Variants in DDX31 observed in about 807,000 individuals in gnomAD.
DDX31 encodes ATP-dependent DNA helicase DDX31.
DDX31 carries 70 observed loss-of-function variants against 91.3 expected under a neutral mutation model. That is an observed-to-expected ratio of 0.77 (90% CI 0.63 to 0.94). The LOEUF (loss-of-function observed/expected upper bound fraction) is 0.94, where lower values mean the gene tolerates loss of function less well. Ranked by LOEUF, DDX31 falls within the 40% of genes least tolerant of loss-of-function variation. The probability of loss-of-function intolerance (pLI) is 0.00; values close to 1 mark genes in which losing one functional copy is unlikely to be tolerated. For synonymous variants in DDX31, 362 were observed against 350.6 expected, an observed-to-expected ratio of 1.03 and a Z score of -0.36; for missense variants, 902 against 925.0, an observed-to-expected ratio of 0.98 and a Z score of 0.32.
In DDX31 at chr9:132,648,475, G is replaced by T. The variant is rs1331379675; in HGVS notation, c.817C>A (p.His273Asn). Residue 273 changes from histidine to asparagine, a missense_variant, in exon 10 of 20, where the codon CAT becomes AAT. His to Asn is a moderately conservative substitution (Grantham distance 68, BLOSUM62 1). Coordinates refer to ENST00000372159, the MANE Select transcript of DDX31 (RefSeq NM_022779.9). Reference sequence around the variant, plus strand: ...ACCAACCACCGCAGCCGACTAAAATGAATGTTCTTTGTGGATTTTATATGA... The same window carrying T: ...ACCAACCACCGCAGCCGACTAAAATTAATGTTCTTTGTGGATTTTATATGA... ...VDHIKSTKNIHFSRLRWLVFD... is the reference protein window; with the variant it reads ...VDHIKSTKNINFSRLRWLVFD... 3 of 1,613,978 alleles carry T rather than the reference G, an allele frequency of 1.9e-6. No homozygotes were observed. The highest frequency in any genetic ancestry group is 1.3e-5 in the African/African-American group (1 of 74,918).
chr9:132,669,085 T>G (rs1564348051), intron 1 of DDX31, among the ~76,000 whole-genome samples: 1 of 152,128 alleles, frequency 6.6e-6, no homozygotes, highest in African/African-American at 2.4e-5. Flanking sequence ...GAGACCAAGG[T>G]TCTTTTCAAG....
intron 19 of DDX31, among the ~76,000 whole-genome samples, chr9:132,599,139 C>T (rs1830595477): frequency 6.6e-6 from 1 of 152,170 alleles, no homozygotes; most frequent in South Asian, 2.1e-4. Context: ...CAAAGCCATC[C>T]AAACCGACTA....
chr9:132,644,734 C>T (rs941832934), intron 13 of DDX31, among the ~76,000 whole-genome samples: 2 of 152,114 alleles, frequency 1.3e-5, no homozygotes, highest in African/African-American at 4.8e-5. Context: ...GATTAGTAAA[C>T]AAAGCTTGAA....
intron 19 of DDX31, among the ~76,000 whole-genome samples, chr9:132,608,277 G>C (rs1261319124): frequency 1.3e-5 from 2 of 152,170 alleles, no homozygotes; most frequent in Non-Finnish European, 2.9e-5. Context: ...TGTCAGAAGA[G>C]TTTTTGTGAC....
At chr9:132,657,456 ATATT>A (rs1348625129) in intron 6 of DDX31, among the ~76,000 whole-genome samples, 1 of 152,212 alleles carries the variant, frequency 6.6e-6, no homozygotes, top group Non-Finnish European at 1.5e-5. Context: ...TATCATTTGT[ATATT>A]TATTTATTAG....
At chr9:132,620,577 T>C (rs1159674749) in intron 17 of DDX31, among the ~76,000 whole-genome samples, 2 of 151,444 alleles carry the variant, frequency 1.3e-5, no homozygotes, top group Admixed American at 1.3e-4. Context: ...AAAAAATATA[T>C]ACAATACTTA....
chr9:132,599,973 A>T (rs1307792010), intron 19 of DDX31, among the ~76,000 whole-genome samples: 1 of 152,244 alleles, frequency 6.6e-6, no homozygotes, highest in African/African-American at 2.4e-5. Flanking sequence ...TGGAGGACAA[A>T]AAGGCAGCAA....
chr9:132,655,384 C>A (rs1014923874), intron 6 of DDX31, among the ~76,000 whole-genome samples: 3 of 152,156 alleles, frequency 2.0e-5, no homozygotes, highest in African/African-American at 7.2e-5. Flanking sequence ...CACAGAACAT[C>A]CTGCATAACA....
chr9:132,642,181 A>AG (rs1833547040), intron 13 of DDX31, 118 bp from the exon 14 acceptor site: 1 of 867,214 alleles, frequency 1.2e-6, no homozygotes, highest in South Asian at 1.5e-5. Flanking sequence ...AGGCACAGAG[A>AG]GGTTTGCCAG....
In DDX31 at chr9:132,648,134, G is replaced by A. The variant is rs76833243; in HGVS notation, c.967+55C>T. 7,651 of 1,447,102 alleles carry A rather than the reference G, an allele frequency of 5.3e-3. 286 individuals are homozygous for A. In the African/African-American group the frequency reaches 0.084, roughly 16 times the overall value. The allele number at this position is 1,447,102 out of a possible 1,614,324, so 89.6% of individuals were successfully genotyped here. On this transcript the variant is annotated intron_variant, in intron 11 of 19. Coordinates refer to ENST00000372159, the MANE Select transcript of DDX31 (RefSeq NM_022779.9). ...CAGCAAACAACCCAGGTTAAATCTA[G>A]GTCCTTCCTCTTCATTAAGAACAAA...
chr9:132,609,138 G>A (rs1831185362), intron 19 of DDX31, among the ~76,000 whole-genome samples: 1 of 152,082 alleles, frequency 6.6e-6, no homozygotes, highest in South Asian at 2.1e-4. Flanking sequence ...GTAACAGAGT[G>A]GGGACATGGC....
chr9:132,650,267 A>G lies in DDX31; in HGVS notation c.707T>C (p.Met236Thr), dbSNP rs751558519. Residue 236 changes from methionine (M) to threonine (T), a missense_variant, in exon 9 of 20, where the codon ATG becomes ACG. Coordinates refer to ENST00000372159, the MANE Select transcript of DDX31 (RefSeq NM_022779.9). ...PFTWIVPGVL[M>T]GGEKRKSEKA... ...TTCTGATTTTCTCTTCTCTCCTCCC[A>G]TTAACACTCCAGGCACAATCCAGGT... 4 of 1,614,164 alleles carry G rather than the reference A, an allele frequency of 2.5e-6. No individual in the cohort carries two copies. Among genetic ancestry groups the G allele is most frequent in the East Asian group, 2.2e-5 (1 of 44,888 alleles).
rs139288015 is a variant in DDX31, at chr9:132,648,259, C to T, written c.897G>A (p.Val299=). The part of the protein sequence containing the change: ...LDLGFEKDIT[V]ILNAVNAECQ... ...ATTCAGCATTTACAGCATTAAGTAT[C>T]ACTGTGATGTCCTTTTCAAAACCCA... Residue 299 remains valine (V), a synonymous_variant, in exon 11 of 20, where the codon GTG becomes GTA. Coordinates refer to ENST00000372159, the MANE Select transcript of DDX31 (RefSeq NM_022779.9). 6.2e-6 allele frequency: 10 copies of T among 1,613,574 alleles called. No individual in the cohort carries two copies. The African/African-American group carries it at 8.0e-5, about 13-fold the overall frequency.
At position 132,659,779 on chromosome 9, in the gene DDX31, C is replaced by T. The variant is rs781721698; in HGVS notation, c.454G>A (p.Val152Ile). 9.3e-6 allele frequency: 15 copies of T among 1,612,912 alleles called. No homozygotes were observed. The Admixed American group carries it at 1.0e-4, about 11-fold the overall frequency. Reference sequence around the variant, plus strand: ...AACACAGGAATACTTTGCTTCTGAACACTGGGCCACCCGAAAAAAAGAACA... The same window carrying T: ...AACACAGGAATACTTTGCTTCTGAATACTGGGCCACCCGAAAAAAAGAACA... ...TVLKMSSMTS[V>I]QKQSIPVLLE... The change falls in exon 5 of 20, where the codon GTT becomes ATT. Residue 152 changes from valine to isoleucine, a missense_variant and splice_region_variant. Transcript: ENST00000372159.
Position 132,655,340 on chromosome 9 carries a change from G to A in DDX31, c.589-2848C>T, listed in dbSNP as rs148899629. Among the ~76,000 whole-genome samples the A allele has an allele frequency of 1.1e-3, 161 of 152,224 alleles. 1 individual carries two copies. The highest frequency in any genetic ancestry group is 2.0e-3 in the Non-Finnish European group (135 of 68,006). On this transcript the variant is annotated intron_variant, in intron 6 of 19. Transcript: ENST00000372159. ...GTAGCCCAATATGGTGCTAATTAAGGAGCCCAAAACACATCAAAGAAACCA... is the reference window on the plus strand; with the variant it reads ...GTAGCCCAATATGGTGCTAATTAAGAAGCCCAAAACACATCAAAGAAACCA...
rs1833987846 is a variant in DDX31, at chr9:132,648,647, T to C, written c.741-96A>G. 9.0e-6 allele frequency: 13 copies of C among 1,440,828 alleles called. No individual in the cohort carries two copies. The South Asian group carries it at 1.4e-4, about 16-fold the overall frequency. 89.3% of individuals were successfully genotyped at this position (1,440,828 alleles called of 1,614,324 possible). A position where few individuals can be genotyped will look rare whatever the true frequency, so the allele number is the denominator to read the frequency against. The stretch of plus-strand genomic sequence containing the variant: ...AGGCAAAATAGACAGACTCATTTCA[T>C]GTACAGTGCAAACGTGCCATAGCCT... On this transcript the variant is annotated intron_variant, in intron 9 of 19. Transcript: ENST00000372159.
rs772792694 is a variant in DDX31 at position 132,648,570 on chromosome 9, C to T, written c.741-19G>A. 1.3e-6 allele frequency: 2 copies of T among 1,591,992 alleles called. No homozygotes were observed. The highest frequency in any genetic ancestry group is 2.3e-5 in the South Asian group (2 of 87,248). The stretch of plus-strand genomic sequence containing the variant: ...GCGGAGTCTGTTTAAAATTATATAT[C>T]ATAAAAGAAAGTAAATCAAACAGGG... On this transcript the variant is annotated intron_variant, in intron 9 of 19. Transcript: ENST00000372159.
intron 16 of DDX31, among the ~76,000 whole-genome samples, chr9:132,626,984 G>C (rs1468959897): frequency 6.6e-6 from 1 of 152,110 alleles, no homozygotes; most frequent in African/African-American, 2.4e-5. Context: ...TCATAGGAGA[G>C]AGCAATGCAT....
intron 16 of DDX31, among the ~76,000 whole-genome samples, chr9:132,629,238 T>C (rs1225519297): frequency 6.6e-6 from 1 of 152,238 alleles, no homozygotes; most frequent in African/African-American, 2.4e-5. Flanking sequence ...TGACAGATTG[T>C]GTTAAGATAA....
Sources: allele counts gnomAD v4.1 joint callset (sites outside exome capture counted in the v4.1 genomes callset), GRCh38; gene constraint gnomAD v4.1.1; transcripts MANE v1.5; gene names NCBI Gene and HGNC (gene_info 2026-07-23, HGNC 2026-07-21).